The following FBXO31 variants were observed in gnomAD, a reference collection of about 807,000 sequenced individuals.
The protein encoded by FBXO31 is F-box only protein 31.
A neutral mutation model predicts 54.4 loss-of-function variants in FBXO31; 24 were observed. The observed-to-expected ratio is 0.44, with a 90% CI of 0.32 to 0.62. The LOEUF is 0.62. FBXO31 is among the 20% of genes least tolerant of loss of function. The pLI is 0.05. For missense variants in FBXO31, 665 were observed against 787.1 expected (o/e 0.84, Z 1.86); for synonymous variants, 388 against 335.6 (o/e 1.16, Z -1.71).
At position 87,333,864 on chromosome 16, in the gene FBXO31, C is replaced by G. The variant is rs758388544; in HGVS notation, c.1397+22G>C. 2.5e-6 allele frequency: 4 copies of G among 1,573,374 alleles called. No homozygotes were observed. In the East Asian group the frequency reaches 9.0e-5, roughly 35 times the overall value. ...GCCCATGCTGTCCCACCTTCAGGCC[C>G]CAGTACCCGCCGCATCCTTACCACA... On this transcript the variant is annotated intron_variant, in intron 8 of 8. Transcript: ENST00000311635.
rs188879483 is a variant in FBXO31, at chr16:87,375,313, C to A, written c.340+8092G>T. Among the ~76,000 whole-genome samples, 702 of 151,196 alleles carry A rather than the reference C, an allele frequency of 4.6e-3. 4 individuals are homozygous for A. Among genetic ancestry groups the A allele is most frequent in the African/African-American group, 0.016 (647 of 41,180 alleles). On this transcript the variant is annotated intron_variant, in intron 1 of 8. Coordinates refer to ENST00000311635, the MANE Select transcript of FBXO31 (RefSeq NM_024735.5). ...CAGAGCGAGACGCCGTCTCAAAAAA[C>A]AAAAACAAAAACAAAAAACAAAACA...
chr16:87,351,240 T>A (rs1451469818), intron 2 of FBXO31, among the ~76,000 whole-genome samples: 1 of 152,192 alleles, frequency 6.6e-6, no homozygotes, highest in Non-Finnish European at 1.5e-5. Context: ...TGGATTTCAA[T>A]AGGAATTAAG....
chr16:87,331,224 T>C lies in FBXO31; in HGVS notation c.*64A>G. 6.6e-7 allele frequency: 1 copy of C among 1,521,906 alleles called. No individual in the cohort carries two copies. The highest frequency in any genetic ancestry group is 9.1e-7 in the Non-Finnish European group (1 of 1,102,578). The allele number at this position is 1,521,906 out of a possible 1,614,324, so 94.3% of individuals were successfully genotyped here. On this transcript the variant is annotated 3_prime_UTR_variant, in exon 9 of 9. Coordinates refer to ENST00000311635, the MANE Select transcript of FBXO31 (RefSeq NM_024735.5). ...GGATTTCCAAAGTGCATGCTGCTTC[T>C]ATTCACAGGTCAGAGTTCAGAGCCC...
intron 8 of FBXO31, 61 bp from the exon 9 acceptor site, chr16:87,331,571 G>C: frequency 1.4e-6 from 2 of 1,384,760 alleles, no homozygotes; most frequent in Non-Finnish European, 2.0e-6. Flanking sequence ...TGCACGCCAC[G>C]TACAGCATTC....
At chr16:87,361,260 T>A (rs972572990) in intron 1 of FBXO31, among the ~76,000 whole-genome samples, 14 of 152,218 alleles carry the variant, frequency 9.2e-5, no homozygotes, top group African/African-American at 3.4e-4. Context: ...GTCATCTCCA[T>A]TTTAACAGAG....
At chr16:87,364,905 G>A (rs1007289385) in intron 1 of FBXO31, among the ~76,000 whole-genome samples, 59 of 149,084 alleles carry the variant, frequency 4.0e-4, no homozygotes, top group African/African-American at 1.4e-3. Context: ...TACTCAGGAG[G>A]CTGATGTGGG....
intron 1 of FBXO31, among the ~76,000 whole-genome samples, chr16:87,372,593 C>G (rs1213264652): frequency 6.6e-6 from 1 of 152,124 alleles, no homozygotes; most frequent in Non-Finnish European, 1.5e-5. Flanking sequence ...TAGAGTCTCA[C>G]TCCATCACTC....
In FBXO31 at chr16:87,368,974, G is replaced by A. The variant is rs546149819; in HGVS notation, c.341-8608C>T. 5.3e-5 allele frequency among the ~76,000 whole-genome samples: 8 copies of A among 152,116 alleles called. No homozygotes were observed. The South Asian group carries it at 1.7e-3, about 32-fold the overall frequency. On this transcript the variant is annotated intron_variant, in intron 1 of 8. Transcript: ENST00000311635. ...GCCACCACACCTGGCCCCAATTTTTGTATTTTTAGTAGTGACGGGGTTTCG... is the reference window on the plus strand; with the variant it reads ...GCCACCACACCTGGCCCCAATTTTTATATTTTTAGTAGTGACGGGGTTTCG...
intron 1 of FBXO31, among the ~76,000 whole-genome samples, chr16:87,377,054 G>C (rs939889116): frequency 6.6e-6 from 1 of 152,220 alleles, no homozygotes; most frequent in Non-Finnish European, 1.5e-5. Context: ...CAATGAACTC[G>C]TGAAACTGAA....
At chr16:87,388,847 G>C (rs985820798) in intron 1 of FBXO31, 1 of 152,188 alleles carries the variant, frequency 6.6e-6, no homozygotes, top group East Asian at 1.9e-4. Flanking sequence ...GAAATTCCTA[G>C]AGAAAACACT....
chr16:87,386,614 A>C (rs1254319553), upstream of FBXO31, among the ~76,000 whole-genome samples: 2 of 152,038 alleles, frequency 1.3e-5, no homozygotes, highest in Non-Finnish European at 2.9e-5. Context: ...TTGTATTTTT[A>C]ATAGAGATGG....
At chr16:87,387,274 G>A (rs554967794), upstream of FBXO31, among the ~76,000 whole-genome samples, 5 of 152,108 alleles carry the variant, frequency 3.3e-5, no homozygotes, top group South Asian at 2.1e-4. Flanking sequence ...CTTGGAACAC[G>A]TTTACAATCC....
intron 1 of FBXO31, among the ~76,000 whole-genome samples, chr16:87,361,965 T>A (rs144194489): frequency 9.8e-5 from 15 of 152,352 alleles, no homozygotes; most frequent in African/African-American, 2.6e-4. Context: ...CCTGGGAAAC[T>A]ACATCCTAAA....
chr16:87,336,367 G>A lies in FBXO31; in HGVS notation c.733-103C>T. ...ACACAGTGTGTCCTTCTTTGTCAGT[G>A]CACAGGCACCTGCAGGGCCCTCTTG... On this transcript the variant is annotated intron_variant, in intron 5 of 8. Coordinates refer to ENST00000311635, the MANE Select transcript of FBXO31 (RefSeq NM_024735.5). The surrounding 1 kb of genome is among the most constrained non-coding windows in gnomAD (Gnocchi z 6.5). The A allele has an allele frequency of 1.0e-6, 1 of 1,001,922 alleles. No homozygotes were observed. Among genetic ancestry groups the A allele is most frequent in the East Asian group, 2.5e-5 (1 of 40,244 alleles). The allele number at this position is 1,001,922 out of a possible 1,614,324, so 62.1% of individuals were successfully genotyped here.
At chr16:87,375,928 C>T (rs1055603227) in intron 1 of FBXO31, among the ~76,000 whole-genome samples, 2 of 152,232 alleles carry the variant, frequency 1.3e-5, no homozygotes, top group African/African-American at 4.8e-5. Flanking sequence ...CAGCCTGAGT[C>T]ACTCCACTTC....
intron 2 of FBXO31, among the ~76,000 whole-genome samples, chr16:87,351,061 G>C (rs1469274048): frequency 2.6e-5 from 4 of 152,234 alleles, no homozygotes; most frequent in African/African-American, 9.6e-5. Flanking sequence ...CAAGAGATGA[G>C]TCAGAGAAAC....
Position 87,383,383 on chromosome 16 carries a change from C to A in FBXO31, c.340+22G>T. The A allele has an allele frequency of 6.6e-7, 1 of 1,518,276 alleles. No homozygotes were observed. Among genetic ancestry groups the A allele is most frequent in the South Asian group, 1.2e-5 (1 of 82,548 alleles). The allele number at this position is 1,518,276 out of a possible 1,614,324, so 94.1% of individuals were successfully genotyped here. A position where few individuals can be genotyped will look rare whatever the true frequency, so the allele number is the denominator to read the frequency against. The stretch of plus-strand genomic sequence containing the variant: ...GCAGGGACCCCCCGCCCCTCCCGGC[C>A]CCGCCACCCCCGCGCGCTCACCCTC... On this transcript the variant is annotated intron_variant, in intron 1 of 8. Transcript: ENST00000311635. The surrounding 1 kb of genome is among the most constrained non-coding windows in gnomAD (Gnocchi z 4.9).
chr16:87,344,996 G>A (rs1905322439), intron 3 of FBXO31, among the ~76,000 whole-genome samples: 1 of 150,884 alleles, frequency 6.6e-6, no homozygotes, highest in Non-Finnish European at 1.5e-5. Context: ...ACCCCACCTG[G>A]GGGCAGAGCC....
At chr16:87,349,851 G>C (rs776130893) in intron 2 of FBXO31, among the ~76,000 whole-genome samples, 4 of 151,714 alleles carry the variant, frequency 2.6e-5, no homozygotes, top group Non-Finnish European at 4.4e-5. Context: ...GGAGGCTGTA[G>C]TGAGCTATGA....
Sources: gnomAD v4.1 joint callset for allele counts (sites outside exome capture counted in the v4.1 genomes callset) on GRCh38, gnomAD v4.1.1 for gene constraint, Gnocchi (gnomAD v3.1) non-coding constraint, MANE v1.5 for transcripts, NCBI Gene and HGNC (gene_info 2026-07-23, HGNC 2026-07-21) for gene names.